The following CEP162 variants were observed in gnomAD, a reference collection of about 807,000 sequenced individuals.
The protein encoded by CEP162 is centrosomal protein 162.
In CEP162, 141 loss-of-function variants were observed where a neutral mutation model predicts 169.2. The ratio of observed to expected loss-of-function variants is 0.83; its 90% CI spans 0.73 to 0.96. The LOEUF (loss-of-function observed/expected upper bound fraction) is 0.96, where lower values mean the gene tolerates loss of function less well. Ranked by LOEUF, CEP162 falls within the 40% of genes least tolerant of loss-of-function variation. CEP162 has a pLI of 0.00. For missense variants in CEP162, 1,600 were observed against 1,587.2 expected (o/e 1.01, Z -0.14); for synonymous variants, 540 against 526.4 (o/e 1.03, Z -0.35).
Position 84,174,086 on chromosome 6 carries a change from T to C in CEP162, c.2128A>G (p.Ile710Val). ...TGAAGAAGTGTCTCTTGTTCTTGTA[T>C]TTCTTTTTGGATTTGCTTCAACTTT... ...GEKLKQIQKE[I>V]QEQETLLQGY... Residue 710 changes from isoleucine (I) to valine (V), a missense_variant, in exon 16 of 27, where the codon ATA (isoleucine) becomes GTA (valine). Ile to Val is a conservative substitution (Grantham distance 29). Coordinates refer to ENST00000403245, the MANE Select transcript of CEP162 (RefSeq NM_014895.4). 2.5e-6 allele frequency: 4 copies of C among 1,612,878 alleles called. No homozygotes were observed. Among genetic ancestry groups the C allele is most frequent in the Admixed American group, 1.7e-5 (1 of 59,890 alleles).
At chr6:84,199,973 G>C (rs1035293723) in intron 9 of CEP162, among the ~76,000 whole-genome samples, 1 of 152,122 alleles carries the variant, frequency 6.6e-6, no homozygotes, top group Non-Finnish European at 1.5e-5. Flanking sequence ...CAACTGGGCC[G>C]GGTGTGGTGG....
At position 84,127,458 on chromosome 6, in the gene CEP162, A is replaced by T. The variant is rs55675530; in HGVS notation, c.3871-946T>A. ...ATATCATCATTGAACAAAGAACTAT[A>T]CAGACTATAATTGGGATGGTTTGCA... On this transcript the variant is annotated intron_variant, in intron 25 of 26. Transcript: ENST00000403245. 6.6e-3 allele frequency among the ~76,000 whole-genome samples: 1,002 copies of T among 152,196 alleles called. 7 individuals are homozygous for T. Among genetic ancestry groups the T allele is most frequent in the African/African-American group, 0.023 (953 of 41,518 alleles).
At position 84,200,760 on chromosome 6, in the gene CEP162, A is replaced by C. The variant is rs1004230543; in HGVS notation, c.835+29T>G. On this transcript the variant is annotated intron_variant, in intron 9 of 26. Transcript: ENST00000403245. Reference sequence around the variant, plus strand: ...TAGTCATAAAGCATTCCATATTTAGAGAACAGTCAGGTTTCTAAACATTTT... The same window carrying C: ...TAGTCATAAAGCATTCCATATTTAGCGAACAGTCAGGTTTCTAAACATTTT... 8.2e-6 allele frequency: 9 copies of C among 1,100,906 alleles called. No individual in the cohort carries two copies. In the African/African-American group the frequency reaches 1.1e-4, roughly 13 times the overall value. 68.2% of individuals were successfully genotyped at this position (1,100,906 alleles called of 1,614,324 possible).
intron 25 of CEP162, among the ~76,000 whole-genome samples, chr6:84,145,936 A>G (rs1009756977): frequency 6.6e-6 from 1 of 152,122 alleles, no homozygotes; most frequent in African/African-American, 2.4e-5. Flanking sequence ...TTTTGTTTCC[A>G]TAGAAATGCC....
chr6:84,205,195 A>T (rs2099546340), intron 6 of CEP162, among the ~76,000 whole-genome samples: 1 of 152,226 alleles, frequency 6.6e-6, no homozygotes, highest in African/African-American at 2.4e-5. Flanking sequence ...ATCAACAGAA[A>T]AAGAGGGAAT....
At chr6:84,203,880 G>C (rs1226397627) in intron 7 of CEP162, 101 bp downstream of exon 7, 1 of 529,736 alleles carries the variant, frequency 1.9e-6, no homozygotes, top group Non-Finnish European at 3.3e-6. Context: ...CAATAAGCAA[G>C]ATTATGAAGA....
intron 3 of CEP162, among the ~76,000 whole-genome samples, chr6:84,217,582 T>C (rs1166439476): frequency 6.6e-6 from 1 of 152,094 alleles, no homozygotes; most frequent in Non-Finnish European, 1.5e-5. Context: ...GCCAAAAACG[T>C]CAGGGTGCAG....
Position 84,152,848 on chromosome 6 carries a change from T to C in CEP162, c.3326A>G (p.Glu1109Gly). Residue 1109 changes from glutamate (E) to glycine (G), a missense_variant, in exon 23 of 27, where the codon GAG (glutamate) becomes GGG (glycine). Glu to Gly is a moderately conservative substitution (Grantham distance 98, BLOSUM62 -2). Coordinates refer to ENST00000403245, the MANE Select transcript of CEP162 (RefSeq NM_014895.4). ...REIQDLSKTV[E>G]RLQKDRRMML... ...CATTCTTCTGTCTTTCTGAAGCCTC[T>C]CCACAGTTTTTGAGAGGTCTTGTAT... 2 of 1,613,728 alleles carry C rather than the reference T, an allele frequency of 1.2e-6. No individual in the cohort carries two copies. Among genetic ancestry groups the C allele is most frequent in the Non-Finnish European group, 1.7e-6 (2 of 1,179,804 alleles).
At chr6:84,176,433 T>C (rs962107341) in intron 13 of CEP162, among the ~76,000 whole-genome samples, 2 of 152,192 alleles carry the variant, frequency 1.3e-5, no homozygotes, top group Non-Finnish European at 2.9e-5. Flanking sequence ...TTTTAAGTCA[T>C]TGTAAGAGCA....
intron 11 of CEP162, among the ~76,000 whole-genome samples, chr6:84,191,246 C>A (rs1441657281): frequency 1.3e-5 from 2 of 151,918 alleles, no homozygotes; most frequent in Admixed American, 6.6e-5. Flanking sequence ...GGGAGTGTAT[C>A]CCCCAAGATG....
At chr6:84,161,096 G>A (rs1469552838) in intron 20 of CEP162, among the ~76,000 whole-genome samples, 180 bp from the exon 21 acceptor site, 1 of 152,138 alleles carries the variant, frequency 6.6e-6, no homozygotes, top group East Asian at 1.9e-4. Context: ...GATCTGGCAG[G>A]AGATATGGAG....
chr6:84,175,078 CTG>C (rs2099531871), intron 14 of CEP162, 124 bp from the exon 15 acceptor site: 1 of 895,350 alleles, frequency 1.1e-6, no homozygotes, highest in Non-Finnish European at 1.6e-6. Flanking sequence ...AGAAAATTAA[CTG>C]TTTAGTAAGA....
At chr6:84,196,741 TA>T (rs2099542322) in intron 9 of CEP162, among the ~76,000 whole-genome samples, 1 of 152,190 alleles carries the variant, frequency 6.6e-6, no homozygotes, top group African/African-American at 2.4e-5. Context: ...AAGTTGTGTA[TA>T]TACACAACTT....
Position 84,213,026 on chromosome 6 carries a change from T to A in CEP162, c.504-2A>T. 6.6e-7 allele frequency: 1 copy of A among 1,520,746 alleles called. No individual in the cohort carries two copies. Among genetic ancestry groups the A allele is most frequent in the Non-Finnish European group, 8.9e-7 (1 of 1,121,374 alleles). 94.2% of individuals were successfully genotyped at this position (1,520,746 alleles called of 1,614,324 possible). A position where few individuals can be genotyped will look rare whatever the true frequency, so the allele number is the denominator to read the frequency against. On this transcript the variant is annotated splice_acceptor_variant, in intron 5 of 26. Transcript: ENST00000403245. LOFTEE classifies it high-confidence loss of function. ...GTTAGTTCTGCGTTGGCTTGATTACTGGAAAAAATATTTATTTAATTTAGC... is the reference window on the plus strand; with the variant it reads ...GTTAGTTCTGCGTTGGCTTGATTACAGGAAAAAATATTTATTTAATTTAGC...
chr6:84,175,506 T>C (rs1197821504), intron 13 of CEP162, among the ~76,000 whole-genome samples, 159 bp from the exon 14 acceptor site: 1 of 152,226 alleles, frequency 6.6e-6, no homozygotes, highest in Non-Finnish European at 1.5e-5. Flanking sequence ...TCACTATAAC[T>C]GATTGCATTC....
intron 22 of CEP162, among the ~76,000 whole-genome samples, chr6:84,154,500 G>C (rs1398045365): frequency 1.3e-5 from 2 of 151,970 alleles, no homozygotes; most frequent in Non-Finnish European, 2.9e-5. Context: ...ACCTTCTACT[G>C]TTTCTGGAAT....
chr6:84,162,497 A>G (rs899498780), intron 19 of CEP162, among the ~76,000 whole-genome samples: 5 of 152,150 alleles, frequency 3.3e-5, no homozygotes, highest in Admixed American at 2.0e-4. Flanking sequence ...ATCTTTTGCA[A>G]ACAAGGGCTC....
At chr6:84,166,046 A>T (rs1268472338) in intron 18 of CEP162, among the ~76,000 whole-genome samples, 1 of 152,220 alleles carries the variant, frequency 6.6e-6, no homozygotes, top group East Asian at 1.9e-4. Context: ...AACTGTAAAC[A>T]TCTTAAGTTT....
chr6:84,224,659 A>C (rs142756541), intron 2 of CEP162, among the ~76,000 whole-genome samples: 3 of 152,224 alleles, frequency 2.0e-5, no homozygotes, highest in Admixed American at 6.5e-5. Context: ...GAGAAAAGTT[A>C]GCATGACTCT....
Sources: allele counts gnomAD v4.1 joint callset (sites outside exome capture counted in the v4.1 genomes callset), GRCh38; gene constraint gnomAD v4.1.1; transcripts MANE v1.5; gene names NCBI Gene and HGNC (gene_info 2026-07-23, HGNC 2026-07-21).